KIF5C: variants seen among roughly 807,000 people sequenced by gnomAD.
KIF5C encodes the protein kinesin family member 5C.
KIF5C carries 18 observed loss-of-function variants against 125.2 expected under a neutral mutation model. That is an observed-to-expected ratio of 0.14 (90% CI 0.10 to 0.21). The LOEUF (loss-of-function observed/expected upper bound fraction) is 0.21. Among genes scored for constraint, KIF5C ranks in the 10% least tolerant of loss-of-function variants. The pLI is 1.00. For synonymous variants in KIF5C, 405 were observed against 434.0 expected (o/e 0.93, Z 0.83); for missense variants, 780 against 1,183.8 (o/e 0.66, Z 5.01).
chr2:148,952,833 G>A (rs1262431398), intron 10 of KIF5C, among the ~76,000 whole-genome samples: 5 of 152,130 alleles, frequency 3.3e-5, no homozygotes, highest in African/African-American at 9.7e-5. Context: ...GCAGGCTATC[G>A]GTGATTGCAA....
intron 21 of KIF5C, among the ~76,000 whole-genome samples, chr2:149,005,145 A>T (rs1183009254): frequency 6.6e-6 from 1 of 152,170 alleles, no homozygotes; most frequent in African/African-American, 2.4e-5. Flanking sequence ...CACTGTGAGC[A>T]GATGGGCAGG....
intron 15 of KIF5C, among the ~76,000 whole-genome samples, chr2:148,990,157 T>C (rs192421584): frequency 1.8e-4 from 27 of 152,374 alleles, no homozygotes; most frequent in African/African-American, 5.3e-4. Context: ...TTAAAGACCA[T>C]GTTTGCATTT....
chr2:148,878,712 C>T (rs1681264109), intron 1 of KIF5C: 1 of 152,172 alleles, frequency 6.6e-6, no homozygotes, highest in African/African-American at 2.4e-5. Flanking sequence ...CAGTTGGAGC[C>T]GGCTGACATG....
At chr2:148,891,933 G>A (rs1681718829) in intron 1 of KIF5C, among the ~76,000 whole-genome samples, 1 of 152,160 alleles carries the variant, frequency 6.6e-6, no homozygotes, top group African/African-American at 2.4e-5. Context: ...CCTGATCTCA[G>A]GTGATCCATC....
chr2:149,011,382 G>A (rs1210764099), intron 24 of KIF5C, among the ~76,000 whole-genome samples, 188 bp from the exon 25 acceptor site: 1 of 152,172 alleles, frequency 6.6e-6, no homozygotes, highest in Non-Finnish European at 1.5e-5. Flanking sequence ...CTAAATATTT[G>A]GATGCCTTGG....
intron 15 of KIF5C, among the ~76,000 whole-genome samples, chr2:148,987,574 G>A (rs1681412982): frequency 6.6e-6 from 1 of 152,274 alleles, no homozygotes; most frequent in East Asian, 1.9e-4. Flanking sequence ...GCGAGGGAGG[G>A]TGTATGACCA....
chr2:148,945,173 G>A (rs1188011269), intron 7 of KIF5C, among the ~76,000 whole-genome samples: 1 of 152,006 alleles, frequency 6.6e-6, no homozygotes, highest in Admixed American at 6.6e-5. Context: ...TTTGTTGCTT[G>A]TGCTTTGGGT....
intron 3 of KIF5C, among the ~76,000 whole-genome samples, chr2:148,929,834 A>G (rs920921909): frequency 6.6e-6 from 1 of 152,084 alleles, no homozygotes; most frequent in Non-Finnish European, 1.5e-5. Flanking sequence ...TTTTAATAGT[A>G]AGCAATGTTA....
intron 1 of KIF5C, among the ~76,000 whole-genome samples, chr2:148,893,373 A>T (rs1489425557): frequency 6.6e-6 from 1 of 152,178 alleles, no homozygotes; most frequent in Non-Finnish European, 1.5e-5. Flanking sequence ...GGTTTCTGTG[A>T]TTCAGCAAAC....
chr2:148,951,541 G>A (rs540178477), intron 10 of KIF5C, among the ~76,000 whole-genome samples: 1 of 152,154 alleles, frequency 6.6e-6, no homozygotes, highest in Admixed American at 6.5e-5. Context: ...TTCAGCCCTC[G>A]TGCCTCAGTG....
At chr2:148,923,470 A>G (rs995784264) in intron 2 of KIF5C, among the ~76,000 whole-genome samples, 1 of 152,144 alleles carries the variant, frequency 6.6e-6, no homozygotes, top group Non-Finnish European at 1.5e-5. Context: ...GTATGGACCT[A>G]TATCGGGTGG....
intron 10 of KIF5C, among the ~76,000 whole-genome samples, chr2:148,958,666 A>T (rs1682854414): frequency 6.6e-6 from 1 of 151,960 alleles, no homozygotes; most frequent in African/African-American, 2.4e-5. Context: ...AGTCAAATTT[A>T]TTTTTTCTTT....
chr2:148,881,507 T>C (rs1681353243), intron 1 of KIF5C, among the ~76,000 whole-genome samples: 1 of 152,196 alleles, frequency 6.6e-6, no homozygotes, highest in Admixed American at 6.5e-5. Context: ...AAGGTTTTTT[T>C]TCCCCCTTTC....
intron 1 of KIF5C, among the ~76,000 whole-genome samples, 155 bp downstream of exon 1, chr2:148,875,898 G>C (rs938602524): frequency 3.3e-5 from 5 of 149,342 alleles, no homozygotes; most frequent in Admixed American, 3.3e-4. Context: ...CTCGCCCCGC[G>C]CACTATGGTT....
chr2:149,006,855 C>A (rs1235639400), intron 22 of KIF5C, among the ~76,000 whole-genome samples: 3 of 152,100 alleles, frequency 2.0e-5, no homozygotes, highest in East Asian at 1.9e-4. Context: ...GAGGTTATGA[C>A]ATGGACTGAA....
At position 148,959,109 on chromosome 2, in the gene KIF5C, G is replaced by A. The variant is rs548976686; in HGVS notation, c.969-2862G>A. On this transcript the variant is annotated intron_variant, in intron 10 of 25. Coordinates refer to ENST00000435030, the MANE Select transcript of KIF5C (RefSeq NM_004522.3). ...CTCTCTGGAACAGAATTTTTTACAT[G>A]GTATTGGGGGTGAGGAATAAAGTTC... Among the ~76,000 whole-genome samples, 4 of 152,214 alleles carry A rather than the reference G, an allele frequency of 2.6e-5. No homozygotes were observed. In the East Asian group the frequency reaches 7.7e-4, roughly 29 times the overall value.
intron 15 of KIF5C, 86 bp from the exon 16 acceptor site, chr2:148,990,924 T>G (rs1398956071): frequency 1.3e-6 from 2 of 1,487,258 alleles, no homozygotes; most frequent in Non-Finnish European, 9.0e-7. Flanking sequence ...ATGGACACCT[T>G]GGGGATCCAG....
intron 12 of KIF5C, among the ~76,000 whole-genome samples, chr2:148,978,334 GTTTTT>G (rs71406035): frequency 1.3e-3 from 104 of 78,658 alleles, no homozygotes; most frequent in South Asian, 2.1e-3. Flanking sequence ...CTGCCCTGAG[GTTTTT>G]TTTTTTTTTT....
At chr2:148,948,586 C>T (rs1426707756) in intron 8 of KIF5C, among the ~76,000 whole-genome samples, 1 of 152,130 alleles carries the variant, frequency 6.6e-6, no homozygotes, top group Non-Finnish European at 1.5e-5. Flanking sequence ...TTCTTTTGCT[C>T]ACACACACCT....
Sources: gnomAD v4.1 joint callset for allele counts (sites outside exome capture counted in the v4.1 genomes callset) on GRCh38, gnomAD v4.1.1 for gene constraint, MANE v1.5 for transcripts, NCBI Gene and HGNC (gene_info 2026-07-23, HGNC 2026-07-21) for gene names.